Variants in HSF1 observed in about 807,000 individuals in gnomAD.
The protein encoded by HSF1 is heat shock factor protein 1.
HSF1 carries 32 observed loss-of-function variants against 51.7 expected under a neutral mutation model. The ratio of observed to expected loss-of-function variants is 0.62; its 90% CI spans 0.47 to 0.83. The LOEUF is 0.83. HSF1 is among the 40% of genes least tolerant of loss of function. The pLI, the probability that HSF1 is intolerant of heterozygous loss-of-function variation, is 0.00. For synonymous variants in HSF1, 396 were observed against 309.7 expected (o/e 1.28, Z -2.92); for missense variants, 727 against 717.0 (o/e 1.01, Z -0.16).
rs782518049 is a variant in HSF1, at chr8:144,302,992, G to A, written c.118-5914G>A. On this transcript the variant is annotated intron_variant, in intron 1 of 12. Coordinates refer to ENST00000528838, the MANE Select transcript of HSF1 (RefSeq NM_005526.4). Reference sequence around the variant, plus strand: ...AACAGCCAGGTGCTGAGGAGGGTGCGGAGCCCCTGGAACTCACCCGTGCTG... The same window carrying A: ...AACAGCCAGGTGCTGAGGAGGGTGCAGAGCCCCTGGAACTCACCCGTGCTG... 4.6e-5 allele frequency among the ~76,000 whole-genome samples: 7 copies of A among 152,034 alleles called. 1 individual carries two copies. The highest frequency in any genetic ancestry group is 1.0e-4 in the Non-Finnish European group (7 of 68,040).
chr8:144,299,270 C>T (rs988607343), intron 1 of HSF1, among the ~76,000 whole-genome samples: 4 of 151,690 alleles, frequency 2.6e-5, no homozygotes, highest in Non-Finnish European at 4.4e-5. Context: ...GGTGAAACGC[C>T]GTCTCTACTA....
At chr8:144,312,345 G>A (rs1554845110) in intron 9 of HSF1, 101 bp downstream of exon 9, 3 of 933,762 alleles carry the variant, frequency 3.2e-6, no homozygotes, top group African/African-American at 3.3e-5. Context: ...CAGCTGGCGA[G>A]GCAGGACCCT....
intron 1 of HSF1, among the ~76,000 whole-genome samples, chr8:144,306,262 A>G (rs1355616209): frequency 6.8e-6 from 1 of 146,590 alleles, no homozygotes; most frequent in Non-Finnish European, 1.5e-5. Flanking sequence ...CTTTGGGGAC[A>G]GTTTCTATTG....
intron 9 of HSF1, chr8:144,312,972 G>C: frequency 1.8e-6 from 1 of 556,768 alleles, no homozygotes; most frequent in Non-Finnish European, 3.2e-6. Context: ...CCAGACTGCG[G>C]TGCTGACTGC....
intron 9 of HSF1, chr8:144,313,198 C>G (rs888164639): frequency 2.4e-6 from 1 of 425,166 alleles, no homozygotes; most frequent in Non-Finnish European, 4.3e-6. Context: ...CCTCACCAAC[C>G]CTGAACACTG....
chr8:144,309,076 C>A, intron 2 of HSF1, 62 bp downstream of exon 2: 2 of 1,253,662 alleles, frequency 1.6e-6, no homozygotes, highest in South Asian at 1.2e-5. Flanking sequence ...GGCGGGACCC[C>A]AGCAGGAGGA....
chr8:144,302,712 C>T (rs931461417), intron 1 of HSF1, among the ~76,000 whole-genome samples: 11 of 151,692 alleles, frequency 7.3e-5, no homozygotes, highest in South Asian at 2.1e-4. Flanking sequence ...GGCCCAGCTA[C>T]GCGGGAGGCT....
Position 144,291,776 on chromosome 8 carries a change from C to G in HSF1, c.19C>G (p.Pro7Ala), listed in dbSNP as rs1554840376. 1 of 1,531,270 alleles carries G rather than the reference C, an allele frequency of 6.5e-7. No homozygotes were observed. Among genetic ancestry groups the G allele is most frequent in the South Asian group, 1.2e-5 (1 of 82,774 alleles). The allele number at this position is 1,531,270 out of a possible 1,614,324, so 94.9% of individuals were successfully genotyped here. MDLPVGPGAAGPSNVPA... is the reference protein window; with the variant it reads MDLPVGAGAAGPSNVPA... ...GCTCGAGATGGATCTGCCCGTGGGC[C>G]CCGGCGCGGCGGGGCCCAGCAACGT... Residue 7 changes from proline to alanine, a missense_variant, in exon 1 of 13, where the codon CCC becomes GCC. Physicochemically the swap from Pro to Ala is conservative, Grantham distance 27. Around this residue, in one of 2 missense-constraint regions of HSF1, gnomAD observed 257 missense variants for 318.3 expected, o/e 0.81. Coordinates refer to ENST00000528838, the MANE Select transcript of HSF1 (RefSeq NM_005526.4). This position sits in a 1 kb window ranked among gnomAD's most constrained non-coding sequence, Gnocchi z 4.1.
intron 1 of HSF1, among the ~76,000 whole-genome samples, chr8:144,308,460 G>T (rs1554843638): frequency 6.6e-6 from 1 of 152,204 alleles, no homozygotes; most frequent in African/African-American, 2.4e-5. Context: ...TGAAATTAGG[G>T]CTCCATTTCC....
At chr8:144,303,845 TC>T (rs1392291073) in intron 1 of HSF1, among the ~76,000 whole-genome samples, 2 of 152,056 alleles carry the variant, frequency 1.3e-5, no homozygotes, top group Admixed American at 1.3e-4. Context: ...ACCACTGCAC[TC>T]CAGCCTGGGC....
At chr8:144,313,681 G>GCGCCGCCT (rs1378860153) in intron 10 of HSF1, 65 bp downstream of exon 10, 7 of 28,538 alleles carry the variant, frequency 2.5e-4, no homozygotes, top group African/African-American at 1.6e-3. Flanking sequence ...CCGCCTCCCC[G>GCGCCGCCT]CCCCGCCTCC....
rs572835354 is a variant in HSF1 at position 144,309,691 on chromosome 8, G to A, written c.364-81G>A. The A allele has an allele frequency of 2.5e-5, 40 of 1,598,072 alleles. No homozygotes were observed. The South Asian group carries it at 4.1e-4, about 16-fold the overall frequency. ...CCACCCCAGCCTGCCCCTTCCTGAG[G>A]GACCTGGCTGCAGTGGACGAGCCTG... On this transcript the variant is annotated intron_variant, in intron 3 of 12. Transcript: ENST00000528838.
At chr8:144,312,333 G>A in intron 9 of HSF1, 89 bp downstream of exon 9, 1 of 1,035,974 alleles carries the variant, frequency 9.7e-7, no homozygotes, top group East Asian at 2.6e-5. Context: ...GACTGAGCAG[G>A]GCAGCTGGCG....
At chr8:144,293,934 T>C (rs369485692) in intron 1 of HSF1, among the ~76,000 whole-genome samples, 21 of 151,814 alleles carry the variant, frequency 1.4e-4, no homozygotes, top group African/African-American at 4.6e-4. Flanking sequence ...GTACCCTTTT[T>C]TGGGACCGAG....
chr8:144,298,457 T>A (rs1389588167), intron 1 of HSF1, among the ~76,000 whole-genome samples: 118 of 113,406 alleles, frequency 1.0e-3, no homozygotes, highest in African/African-American at 3.3e-3. Flanking sequence ...AAAAAAAAAA[T>A]AGCCAGGCGT....
chr8:144,303,333 T>C (rs1816019070), intron 1 of HSF1, among the ~76,000 whole-genome samples: 1 of 152,014 alleles, frequency 6.6e-6, no homozygotes, highest in Admixed American at 6.6e-5. Flanking sequence ...TTTCACTTGT[T>C]TCTCTTAACT....
chr8:144,298,594 G>A (rs1275689550), intron 1 of HSF1, among the ~76,000 whole-genome samples: 1 of 123,726 alleles, frequency 8.1e-6, no homozygotes, highest in African/African-American at 3.1e-5. Context: ...GCGAGAAACT[G>A]TCTCAAAAAA....
intron 9 of HSF1, 72 bp from the exon 10 acceptor site, chr8:144,313,439 C>T: frequency 9.9e-7 from 1 of 1,012,992 alleles, no homozygotes. Context: ...AAGGGGAGCC[C>T]TTCTCCCACA....
intron 3 of HSF1, 42 bp downstream of exon 3, chr8:144,309,633 C>G (rs782384724): frequency 1.1e-5 from 17 of 1,608,258 alleles, no homozygotes; most frequent in African/African-American, 2.7e-5. Context: ...TCACCTGCCA[C>G]AGCTCTCCCC....
Sources: allele counts gnomAD v4.1 joint callset (sites outside exome capture counted in the v4.1 genomes callset), GRCh38; gene constraint gnomAD v4.1.1; regional missense constraint gnomAD v4.1.1; non-coding constraint Gnocchi (gnomAD v3.1); transcripts MANE v1.5; gene names NCBI Gene and HGNC (gene_info 2026-07-23, HGNC 2026-07-21).